EXOC6B: variants seen among roughly 807,000 people sequenced by gnomAD.
EXOC6B encodes exocyst complex component 6B.
Under a neutral mutation model 113.5 loss-of-function variants are expected in EXOC6B, and 54 were observed. That is an observed-to-expected ratio of 0.48 (90% CI 0.38 to 0.60). The LOEUF (loss-of-function observed/expected upper bound fraction) is 0.60, where lower values mean the gene tolerates loss of function less well. EXOC6B is among the 20% of genes least tolerant of loss of function. The pLI is 0.00. For synonymous variants in EXOC6B, 357 were observed against 339.0 expected (o/e 1.05, Z -0.58); for missense variants, 797 against 977.5 (o/e 0.82, Z 2.46).
intron 6 of EXOC6B, among the ~76,000 whole-genome samples, chr2:72,705,535 C>T (rs1231010367): frequency 6.6e-6 from 1 of 152,130 alleles, no homozygotes; most frequent in African/African-American, 2.4e-5. Flanking sequence ...TATCACTGTT[C>T]TGTTCTAATG....
chr2:72,469,205 G>A (rs1472708619), intron 17 of EXOC6B, among the ~76,000 whole-genome samples: 2 of 152,004 alleles, frequency 1.3e-5, no homozygotes, highest in Non-Finnish European at 2.9e-5. Context: ...CATTTAGATA[G>A]TTTCACTGCC....
intron 21 of EXOC6B, among the ~76,000 whole-genome samples, chr2:72,182,571 G>A (rs1001401010): frequency 1.3e-5 from 2 of 152,032 alleles, no homozygotes; most frequent in Admixed American, 1.3e-4. Context: ...TTCGGTCAGG[G>A]CTTTATTTCA....
intron 6 of EXOC6B, among the ~76,000 whole-genome samples, chr2:72,641,424 T>A (rs546906230): frequency 1.3e-5 from 2 of 152,266 alleles, no homozygotes; most frequent in African/African-American, 4.8e-5. Flanking sequence ...CACGCCTGGA[T>A]TGGTGGGTCC....
At chr2:72,604,127 ATCT>A (rs1170373121) in intron 6 of EXOC6B, among the ~76,000 whole-genome samples, 1 of 152,192 alleles carries the variant, frequency 6.6e-6, no homozygotes, top group Non-Finnish European at 1.5e-5. Flanking sequence ...TGTCACACTG[ATCT>A]TCTAGATTCC....
intron 20 of EXOC6B, among the ~76,000 whole-genome samples, chr2:72,245,142 G>A (rs1266157836): frequency 6.6e-6 from 1 of 152,074 alleles, no homozygotes; most frequent in Non-Finnish European, 1.5e-5. Flanking sequence ...ATTACCTAAA[G>A]TTTATATAGA....
chr2:72,504,875 C>T (rs1380937081), intron 11 of EXOC6B, among the ~76,000 whole-genome samples: 2 of 152,172 alleles, frequency 1.3e-5, no homozygotes, highest in Non-Finnish European at 2.9e-5. Context: ...ACACCTTTCA[C>T]ATGTTTTCCC....
chr2:72,267,164 G>A (rs145621941), intron 20 of EXOC6B, among the ~76,000 whole-genome samples: 7,458 of 152,188 alleles, frequency 0.049, 277 homozygotes, highest in Middle Eastern at 0.12. Flanking sequence ...GGGCTGAGAC[G>A]ATGCGGTTTT....
intron 20 of EXOC6B, among the ~76,000 whole-genome samples, chr2:72,227,540 G>A (rs954385721): frequency 3.3e-5 from 5 of 152,068 alleles, no homozygotes; most frequent in Admixed American, 1.3e-4. Context: ...TTTCAGTAAC[G>A]GATAAAAGAA....
chr2:72,230,167 A>G (rs921265110), intron 20 of EXOC6B, among the ~76,000 whole-genome samples: 5 of 152,192 alleles, frequency 3.3e-5, no homozygotes, highest in Non-Finnish European at 7.3e-5. Context: ...AAGTCCTGCT[A>G]TAAAGAAACT....
intron 18 of EXOC6B, among the ~76,000 whole-genome samples, chr2:72,445,637 C>T (rs564514412): frequency 1.4e-4 from 21 of 152,208 alleles, no homozygotes; most frequent in Middle Eastern, 3.4e-3. Flanking sequence ...AGAGCTTGTA[C>T]GGCTAAACTC....
At chr2:72,208,468 T>G (rs981480986) in intron 20 of EXOC6B, among the ~76,000 whole-genome samples, 1 of 152,200 alleles carries the variant, frequency 6.6e-6, no homozygotes, top group Admixed American at 6.5e-5. Flanking sequence ...TACCACATTT[T>G]CTTTATCCAA....
intron 18 of EXOC6B, among the ~76,000 whole-genome samples, chr2:72,426,994 C>T (rs1435004719): frequency 6.6e-6 from 1 of 152,216 alleles, no homozygotes; most frequent in African/African-American, 2.4e-5. Flanking sequence ...CTCCCAGGCC[C>T]GGAGCCTCAG....
At chr2:72,777,357 G>C (rs1012701779) in intron 1 of EXOC6B, among the ~76,000 whole-genome samples, 2 of 152,120 alleles carry the variant, frequency 1.3e-5, no homozygotes, top group East Asian at 3.9e-4. Context: ...AGAAACCATG[G>C]AGGCTAGAAG....
chr2:72,632,942 T>C (rs1672574453), intron 6 of EXOC6B, among the ~76,000 whole-genome samples: 2 of 152,138 alleles, frequency 1.3e-5, no homozygotes, highest in African/African-American at 2.4e-5. Context: ...TCTCTAATTG[T>C]TGGATTTACA....
chr2:72,781,345 AAAC>A (rs1415272432), intron 1 of EXOC6B, among the ~76,000 whole-genome samples: 1 of 152,218 alleles, frequency 6.6e-6, no homozygotes, highest in Non-Finnish European at 1.5e-5. Flanking sequence ...CAGTGGCTTA[AAAC>A]AATAAAGATT....
chr2:72,601,078 A>T (rs1484322280), intron 6 of EXOC6B, among the ~76,000 whole-genome samples: 1 of 151,722 alleles, frequency 6.6e-6, no homozygotes, highest in African/African-American at 2.4e-5. Context: ...ACAAGTAGAC[A>T]CCATTATAGA....
intron 1 of EXOC6B, among the ~76,000 whole-genome samples, chr2:72,743,093 C>A (rs1402157876): frequency 6.6e-6 from 1 of 152,166 alleles, no homozygotes; most frequent in Non-Finnish European, 1.5e-5. Context: ...CTCCTTCCAT[C>A]ACATACCCTA....
At position 72,514,681 on chromosome 2, in the gene EXOC6B, C is replaced by G; in HGVS notation, c.1000-1G>C. ...TCCTGTAGCCATCTAAAGTTTCATGCTGCAACAAAGCAAAGAAGAAAAAGT... is the reference window on the plus strand; with the variant it reads ...TCCTGTAGCCATCTAAAGTTTCATGGTGCAACAAAGCAAAGAAGAAAAAGT... On this transcript the variant is annotated splice_acceptor_variant, in intron 9 of 21. Coordinates refer to ENST00000272427, the MANE Select transcript of EXOC6B (RefSeq NM_015189.3). LOFTEE classifies it high-confidence loss of function. The G allele has an allele frequency of 1.4e-6, 2 of 1,474,220 alleles. No individual in the cohort carries two copies. Among genetic ancestry groups the G allele is most frequent in the Non-Finnish European group, 1.8e-6 (2 of 1,097,108 alleles). 91.3% of individuals were successfully genotyped at this position (1,474,220 alleles called of 1,614,324 possible).
intron 6 of EXOC6B, among the ~76,000 whole-genome samples, chr2:72,656,351 C>T (rs1332792884): frequency 1.3e-5 from 2 of 151,832 alleles, no homozygotes; most frequent in Non-Finnish European, 2.9e-5. Context: ...CTATCTCATA[C>T]TAAAAACTAT....
Sources: gnomAD v4.1 joint callset for allele counts (sites outside exome capture counted in the v4.1 genomes callset) on GRCh38, gnomAD v4.1.1 for gene constraint, MANE v1.5 for transcripts, NCBI Gene and HGNC (gene_info 2026-07-23, HGNC 2026-07-21) for gene names.